Variants in ST6GALNAC5 observed in about 807,000 individuals in gnomAD.
ST6GALNAC5 encodes the protein alpha-N-acetylgalactosaminide alpha-2,6-sialyltransferase 5.
A neutral mutation model predicts 33.6 loss-of-function variants in ST6GALNAC5; 27 were observed. The observed-to-expected ratio is 0.80, with a 90% CI of 0.59 to 1.11. The LOEUF is 1.11. ST6GALNAC5 is among the 50% of genes least tolerant of loss of function. The pLI, the probability that ST6GALNAC5 is intolerant of heterozygous loss-of-function variation, is 0.00. For synonymous variants in ST6GALNAC5, 194 were observed against 171.2 expected, an observed-to-expected ratio of 1.13 and a Z score of -1.04; for missense variants, 428 against 454.0, an observed-to-expected ratio of 0.94 and a Z score of 0.52.
intron 2 of ST6GALNAC5, among the ~76,000 whole-genome samples, chr1:76,948,958 G>A (rs1647633437): frequency 6.6e-6 from 1 of 152,162 alleles, no homozygotes; most frequent in Non-Finnish European, 1.5e-5. Flanking sequence ...TCTCCCAAGT[G>A]CCAAGTCTTG....
intron 2 of ST6GALNAC5, among the ~76,000 whole-genome samples, chr1:76,925,239 C>T (rs962508618): frequency 1.4e-4 from 21 of 151,970 alleles, no homozygotes; most frequent in African/African-American, 4.1e-4. Flanking sequence ...CCAATGCCTC[C>T]CAGCAGGCCT....
chr1:76,970,957 T>G (rs1381023210), intron 2 of ST6GALNAC5, among the ~76,000 whole-genome samples: 2 of 152,194 alleles, frequency 1.3e-5, no homozygotes, highest in Non-Finnish European at 2.9e-5. Flanking sequence ...AATATTTTTT[T>G]TTCCAAAACC....
intron 2 of ST6GALNAC5, among the ~76,000 whole-genome samples, chr1:76,886,310 T>C (rs1359008038): frequency 1.3e-5 from 2 of 152,204 alleles, no homozygotes; most frequent in Non-Finnish European, 1.5e-5. Context: ...AGTTCCTTTT[T>C]TTTGTACTTG....
intron 2 of ST6GALNAC5, among the ~76,000 whole-genome samples, chr1:76,945,084 T>A (rs1647469533): frequency 6.6e-6 from 1 of 151,776 alleles, no homozygotes; most frequent in South Asian, 2.1e-4. Flanking sequence ...GGCTTTGGAG[T>A]GTGGCACACA....
intron 2 of ST6GALNAC5, among the ~76,000 whole-genome samples, chr1:77,006,321 ATTTTTTT>A (rs71075723): frequency 1.1e-4 from 10 of 92,822 alleles, no homozygotes; most frequent in Non-Finnish European, 2.1e-4. Flanking sequence ...CACCCGGCTA[ATTTTTTT>A]TTTTTTTTTT....
At chr1:76,926,752 G>T (rs1647089925) in intron 2 of ST6GALNAC5, among the ~76,000 whole-genome samples, 1 of 152,102 alleles carries the variant, frequency 6.6e-6, no homozygotes, top group Non-Finnish European at 1.5e-5. Context: ...ACTGCCAAAA[G>T]AAAGGTTGTG....
chr1:77,024,823 C>T (rs1651174404), intron 2 of ST6GALNAC5, among the ~76,000 whole-genome samples: 1 of 152,168 alleles, frequency 6.6e-6, no homozygotes, highest in Non-Finnish European at 1.5e-5. Context: ...AAGACCTAAC[C>T]AGCCACAGAG....
chr1:76,968,495 C>G (rs543452658), intron 2 of ST6GALNAC5, among the ~76,000 whole-genome samples: 141 of 152,250 alleles, frequency 9.3e-4, no homozygotes, highest in Non-Finnish European at 1.8e-3. Flanking sequence ...AGATGGGTCT[C>G]CTGAATAGAG....
chr1:76,962,569 C>A (rs1305779665), intron 2 of ST6GALNAC5, among the ~76,000 whole-genome samples: 1 of 152,136 alleles, frequency 6.6e-6, no homozygotes, highest in Non-Finnish European at 1.5e-5. Context: ...ACAAAAGAAC[C>A]TAAAAGCATA....
chr1:76,914,552 C>G (rs147048398), intron 2 of ST6GALNAC5, among the ~76,000 whole-genome samples: 2,465 of 152,250 alleles, frequency 0.016, 27 homozygotes, highest in Middle Eastern at 0.034. Flanking sequence ...CTACAACTAT[C>G]TGATCTTTGA....
intron 2 of ST6GALNAC5, among the ~76,000 whole-genome samples, chr1:76,905,795 T>C (rs1646858927): frequency 6.6e-6 from 1 of 152,206 alleles, no homozygotes; most frequent in South Asian, 2.1e-4. Context: ...AAGAAAATAT[T>C]TCCAATAAAT....
chr1:76,945,305 A>C (rs1393656), intron 2 of ST6GALNAC5, among the ~76,000 whole-genome samples: 2,120 of 152,236 alleles, frequency 0.014, 54 homozygotes, highest in African/African-American at 0.048. Context: ...CTGTGTCAAA[A>C]TAGTGTTTTG....
At chr1:77,006,094 T>C (rs1650402066) in intron 2 of ST6GALNAC5, among the ~76,000 whole-genome samples, 1 of 152,246 alleles carries the variant, frequency 6.6e-6, no homozygotes, top group South Asian at 2.1e-4. Context: ...GGTAACTCTA[T>C]GTTTAATTTA....
In ST6GALNAC5 at chr1:76,876,746, A is replaced by T. The variant is rs140240322; in HGVS notation, c.261+8004A>T. On this transcript the variant is annotated intron_variant, in intron 2 of 4. Transcript: ENST00000477717. ...TTCCCTTCACTGCTGTCCTTCAGGGATGTCCTAGAAAGGGCCATAGTGCTG... is the reference window on the plus strand; with the variant it reads ...TTCCCTTCACTGCTGTCCTTCAGGGTTGTCCTAGAAAGGGCCATAGTGCTG... Among the ~76,000 whole-genome samples, 6 of 152,226 alleles carry T rather than the reference A, an allele frequency of 3.9e-5. No individual in the cohort carries two copies. The East Asian group carries it at 1.2e-3, about 29-fold the overall frequency.
chr1:76,947,839 C>T (rs1647583337), intron 2 of ST6GALNAC5, among the ~76,000 whole-genome samples: 1 of 152,072 alleles, frequency 6.6e-6, no homozygotes, highest in Non-Finnish European at 1.5e-5. Flanking sequence ...ATACCTCTAT[C>T]CTATGCTGAC....
At chr1:77,027,768 A>G (rs1020387225) in intron 2 of ST6GALNAC5, among the ~76,000 whole-genome samples, 2 of 152,298 alleles carry the variant, frequency 1.3e-5, no homozygotes, top group Non-Finnish European at 2.9e-5. Context: ...TTTGGTGGTG[A>G]TGTTCTGATG....
In ST6GALNAC5 at chr1:76,974,773, C is replaced by CTTTTTTTTTTTTTTTTTTTTTTT. The variant is rs60357939; in HGVS notation, c.262-69427_262-69405dup. 2.6e-4 allele frequency among the ~76,000 whole-genome samples: 9 copies of CTTTTTTTTTTTTTTTTTTTTTTT among 35,240 alleles called. 2 individuals are homozygous for CTTTTTTTTTTTTTTTTTTTTTTT. Among genetic ancestry groups the CTTTTTTTTTTTTTTTTTTTTTTT allele is most frequent in the Non-Finnish European group, 4.2e-4 (9 of 21,576 alleles). 23.1% of individuals were successfully genotyped at this position (35,240 alleles called of 152,430 possible). A position where few individuals can be genotyped will look rare whatever the true frequency, so the allele number is the denominator to read the frequency against. The stretch of plus-strand genomic sequence containing the variant: ...ATATCTGTAAGTTTTTTCTTTCTTT[C>CTTTTTTTTTTTTTTTTTTTTTTT]TTTTTTTTTTTTTTTTTTTTTTTTT... On this transcript the variant is annotated intron_variant, in intron 2 of 4. Transcript: ENST00000477717.
chr1:76,898,786 T>C (rs936417841), intron 2 of ST6GALNAC5, among the ~76,000 whole-genome samples: 1 of 151,640 alleles, frequency 6.6e-6, no homozygotes, highest in East Asian at 1.9e-4. Flanking sequence ...AGGAGGGGAG[T>C]TGATAAAAAG....
intron 2 of ST6GALNAC5, among the ~76,000 whole-genome samples, chr1:76,931,072 A>T (rs1241210828): frequency 5.9e-5 from 9 of 152,076 alleles, no homozygotes; most frequent in African/African-American, 2.2e-4. Context: ...ATCCTTCTGG[A>T]GTTTCTCCTT....
Sources: gnomAD v4.1 joint callset for allele counts (sites outside exome capture counted in the v4.1 genomes callset) on GRCh38, gnomAD v4.1.1 for gene constraint, MANE v1.5 for transcripts, NCBI Gene and HGNC (gene_info 2026-07-23, HGNC 2026-07-21) for gene names.